Variants in PRCC observed in about 807,000 individuals in gnomAD.
The protein encoded by PRCC is proline-rich protein PRCC.
Under a neutral mutation model 44.0 loss-of-function variants are expected in PRCC, and 10 were observed. That is an observed-to-expected ratio of 0.23 (90% CI 0.14 to 0.39). The LOEUF is 0.39. Ranked by LOEUF, PRCC falls within the 10% of genes least tolerant of loss-of-function variation. PRCC has a pLI of 1.00. For synonymous variants in PRCC, 278 were observed against 259.5 expected, an observed-to-expected ratio of 1.07 and a Z score of -0.69; for missense variants, 573 against 624.7, an observed-to-expected ratio of 0.92 and a Z score of 0.88.
chr1:156,797,147 C>T, intron 5 of PRCC, 129 bp from the exon 6 acceptor site: 1 of 1,087,342 alleles, frequency 9.2e-7, no homozygotes, highest in Non-Finnish European at 1.4e-6. Context: ...AAAAACAGCT[C>T]CAACTTTTCT....
intron 1 of PRCC, among the ~76,000 whole-genome samples, chr1:156,779,473 C>G (rs974357477): frequency 7.2e-5 from 11 of 152,086 alleles, no homozygotes; most frequent in African/African-American, 2.7e-4. Context: ...TCAAGCAATT[C>G]TCCTGCCTCA....
rs754197287 is a variant in PRCC, at chr1:156,768,105, T to C, written c.334T>C (p.Leu112=). 8.2e-6 allele frequency: 13 copies of C among 1,581,986 alleles called. No homozygotes were observed. The highest frequency in any genetic ancestry group is 1.8e-5 in the Admixed American group (1 of 55,822). Residue 112 remains leucine, a synonymous_variant, in exon 1 of 7, where the codon TTG becomes CTG. Transcript: ENST00000271526. The stretch of plus-strand genomic sequence containing the variant: ...AGTTGGGGAGGGACTGGGATTGGGG[T>C]TGCCCTCGCCCCGAGGCCCTGGCCT... ...AGVGEGLGLG[L]PSPRGPGLNL... is the part of the protein sequence containing the mutation.
At chr1:156,787,450 G>GATATAT (rs57206380) in intron 3 of PRCC, among the ~76,000 whole-genome samples, 26 of 124,916 alleles carry the variant, frequency 2.1e-4, no homozygotes, top group African/African-American at 8.1e-4. Flanking sequence ...ATTTGTGATT[G>GATATAT]ATATATATAT....
intron 1 of PRCC, among the ~76,000 whole-genome samples, chr1:156,775,350 CTTTT>C (rs1424418431): frequency 2.7e-5 from 4 of 150,134 alleles, no homozygotes; most frequent in Non-Finnish European, 4.4e-5. Context: ...ATTTTTCTTT[CTTTT>C]GTTTTTTTTT....
chr1:156,778,926 A>G (rs2102758304), intron 1 of PRCC, among the ~76,000 whole-genome samples: 1 of 150,666 alleles, frequency 6.6e-6, no homozygotes, highest in Admixed American at 6.6e-5. Flanking sequence ...TAGCCTCCCG[A>G]GTAGCTGGGA....
At chr1:156,771,079 T>A (rs11264544) in intron 1 of PRCC, among the ~76,000 whole-genome samples, 52,221 of 151,786 alleles carry the variant, frequency 0.34, 10,375 homozygotes, top group East Asian at 0.73. Context: ...GGGAGCCCTC[T>A]GGGGGGAGAT....
chr1:156,789,255 C>G (rs906004653), intron 3 of PRCC, among the ~76,000 whole-genome samples: 1 of 152,242 alleles, frequency 6.6e-6, no homozygotes, highest in Non-Finnish European at 1.5e-5. Flanking sequence ...CAGGCGTGAG[C>G]CACCGTACCC....
chr1:156,793,572 G>A (rs1171136193), intron 4 of PRCC, among the ~76,000 whole-genome samples: 1 of 151,030 alleles, frequency 6.6e-6, no homozygotes, highest in Non-Finnish European at 1.5e-5. Context: ...CCTTTTCTAC[G>A]CAGCCCCACA....
intron 3 of PRCC, chr1:156,791,471 T>C (rs1471331108): frequency 8.9e-6 from 5 of 561,358 alleles, no homozygotes; most frequent in African/African-American, 5.6e-5. Context: ...CTAAAAAATA[T>C]CCATCTGTCT....
chr1:156,786,992 G>A lies in PRCC; in HGVS notation c.901G>A (p.Glu301Lys), dbSNP rs1652272599. 6.2e-7 allele frequency: 1 copy of A among 1,614,104 alleles called. No homozygotes were observed. The highest frequency in any genetic ancestry group is 8.5e-7 in the Non-Finnish European group (1 of 1,180,050). Reference protein sequence around the residue: ...YPYPIPTVPEELPPGTEPEPA... With the variant: ...YPYPIPTVPEKLPPGTEPEPA... ...TTACCCCATCCCCACTGTCCCTGAAGAGCTGCCTCCAGGCACGGAACCAGA... is the reference window on the plus strand; with the variant it reads ...TTACCCCATCCCCACTGTCCCTGAAAAGCTGCCTCCAGGCACGGAACCAGA... The change falls in exon 3 of 7, where the codon GAG becomes AAG. Residue 301 changes from glutamate (E) to lysine (K), a missense_variant. Around this residue, in one of 4 missense-constraint regions of PRCC, gnomAD observed 141 missense variants for 130.2 expected, o/e 1.08. Coordinates refer to ENST00000271526, the MANE Select transcript of PRCC (RefSeq NM_005973.5).
At chr1:156,779,128 A>ATATATATTTTTTTT (rs1651947127) in intron 1 of PRCC, among the ~76,000 whole-genome samples, 1 of 35,876 alleles carries the variant, frequency 2.8e-5, no homozygotes, top group African/African-American at 1.2e-4. Flanking sequence ...ATATATATAT[A>ATATATATTTTTTTT]TTTTTTTTTT....
intron 1 of PRCC, among the ~76,000 whole-genome samples, chr1:156,773,940 G>A (rs1651723319): frequency 6.6e-6 from 1 of 152,098 alleles, no homozygotes; most frequent in Non-Finnish European, 1.5e-5. Context: ...ATTCCGATAC[G>A]TGCTACAACA....
At chr1:156,788,764 C>T (rs763560737) in intron 3 of PRCC, among the ~76,000 whole-genome samples, 2 of 148,592 alleles carry the variant, frequency 1.3e-5, no homozygotes, top group South Asian at 2.1e-4. Context: ...CAGGTTCAAG[C>T]GATTATCCTC....
Position 156,790,607 on chromosome 1 carries a change from A to C in PRCC, c.1084-1090A>C, listed in dbSNP as rs564760582. 4.7e-3 allele frequency among the ~76,000 whole-genome samples: 721 copies of C among 152,348 alleles called. 5 individuals carry two copies. The highest frequency in any genetic ancestry group is 0.027 in the Middle Eastern group (8 of 294). On this transcript the variant is annotated intron_variant, in intron 3 of 6. Transcript: ENST00000271526. ...ATTGCACTCCAGCCTGGGCAACAAG[A>C]GCGAAACTCCATCTCAAAAAAAGAA... is the stretch of plus-strand genomic sequence containing the variant.
At chr1:156,773,491 C>G (rs145802043) in intron 1 of PRCC, among the ~76,000 whole-genome samples, 5 of 152,288 alleles carry the variant, frequency 3.3e-5, no homozygotes, top group African/African-American at 9.6e-5. Context: ...TTCTTATTAA[C>G]AGACTCAACA....
At chr1:156,797,837 A>G (rs1652710653) in intron 6 of PRCC, among the ~76,000 whole-genome samples, 1 of 152,184 alleles carries the variant, frequency 6.6e-6, no homozygotes, top group Non-Finnish European at 1.5e-5. Context: ...ATGTCTTGGT[A>G]TTTATTTAAT....
intron 1 of PRCC, among the ~76,000 whole-genome samples, chr1:156,777,393 T>C: frequency 6.6e-6 from 1 of 152,212 alleles, no homozygotes; most frequent in East Asian, 1.9e-4. Flanking sequence ...AGTGTTATTA[T>C]AAGAATTAAA....
chr1:156,795,489 G>A (rs182873662), intron 5 of PRCC, among the ~76,000 whole-genome samples: 3 of 151,726 alleles, frequency 2.0e-5, no homozygotes, highest in East Asian at 1.9e-4. Flanking sequence ...TATATTGTCC[G>A]GGCTGGTCTC....
At chr1:156,771,117 G>A (rs1007188671) in intron 1 of PRCC, among the ~76,000 whole-genome samples, 2 of 152,200 alleles carry the variant, frequency 1.3e-5, no homozygotes. Context: ...GCTGAAGAAA[G>A]GGTAGTATGG....
Sources: gnomAD v4.1 joint callset for allele counts (sites outside exome capture counted in the v4.1 genomes callset) on GRCh38, gnomAD v4.1.1 for gene constraint, gnomAD v4.1.1 regional missense constraint, MANE v1.5 for transcripts, NCBI Gene and HGNC (gene_info 2026-07-23, HGNC 2026-07-21) for gene names.